The following SYNRG variants were observed in gnomAD, a reference collection of about 807,000 sequenced individuals.
SYNRG encodes the protein AP1 gamma subunit binding protein 1.
In SYNRG, 37 loss-of-function variants were observed where a neutral mutation model predicts 130.9. That is an observed-to-expected ratio of 0.28 (90% confidence interval 0.22 to 0.37). SYNRG has a LOEUF of 0.37. Among genes scored for constraint, SYNRG ranks in the 10% least tolerant of loss-of-function variants. The probability of loss-of-function intolerance (pLI) is 1.00; values close to 1 mark genes in which losing one functional copy is unlikely to be tolerated. For synonymous variants in SYNRG, 539 were observed against 568.1 expected, an observed-to-expected ratio of 0.95 and a Z score of 0.73; for missense variants, 1,338 against 1,588.9, an observed-to-expected ratio of 0.84 and a Z score of 2.68.
chr17:37,598,120 C>G (rs1356407149), intron 2 of SYNRG, among the ~76,000 whole-genome samples: 2 of 152,138 alleles, frequency 1.3e-5, no homozygotes, highest in Non-Finnish European at 2.9e-5. Context: ...AAAACCAGGT[C>G]TTCACTCTCA....
chr17:37,548,675 G>A (rs538810925), intron 14 of SYNRG, among the ~76,000 whole-genome samples: 1 of 151,930 alleles, frequency 6.6e-6, no homozygotes, highest in African/African-American at 2.4e-5. Context: ...AAAATTAGCT[G>A]GGCGTGGTGG....
chr17:37,537,870 G>C (rs572364621), intron 18 of SYNRG, among the ~76,000 whole-genome samples: 2 of 152,334 alleles, frequency 1.3e-5, no homozygotes, highest in Non-Finnish European at 2.9e-5. Flanking sequence ...CCTGAGCTTG[G>C]GGAAGGGAGG....
At chr17:37,587,806 C>T (rs1391866147) in intron 3 of SYNRG, among the ~76,000 whole-genome samples, 1 of 152,200 alleles carries the variant, frequency 6.6e-6, no homozygotes, top group Non-Finnish European at 1.5e-5. Flanking sequence ...TTCCAGCTTC[C>T]CATTCCATGG....
Position 37,553,394 on chromosome 17 carries a change from C to A in SYNRG, c.2329G>T (p.Ala777Ser). The stretch of plus-strand genomic sequence containing the variant: ...GAAAATTTACTGGAGTGGAAGTCAG[C>A]AAAATCATCATCACTTTTTCCTGAA... ...TPSGKSDDDF[A>S]DFHSSKFSSI... Residue 777 changes from alanine to serine, a missense_variant, in exon 14 of 22, where the codon GCT (alanine) becomes TCT (serine). Coordinates refer to ENST00000612223, the MANE Select transcript of SYNRG (RefSeq NM_007247.6). The A allele has an allele frequency of 6.2e-7, 1 of 1,614,184 alleles. No individual in the cohort carries two copies. The highest frequency in any genetic ancestry group is 8.5e-7 in the Non-Finnish European group (1 of 1,180,040).
Position 37,517,726 on chromosome 17 carries a change from G to A in SYNRG, c.*1214C>T, listed in dbSNP as rs892319837. ...CTAAACCACACAAAGTAAAGCACAC[G>A]AGATTGAAAAATCTCTTCATAAAGC... On this transcript the variant is annotated 3_prime_UTR_variant, in exon 22 of 22. Coordinates refer to ENST00000612223, the MANE Select transcript of SYNRG (RefSeq NM_007247.6). 1.3e-4 allele frequency: 20 copies of A among 152,136 alleles called. No individual in the cohort carries two copies. The highest frequency in any genetic ancestry group is 4.6e-4 in the African/African-American group (19 of 41,504). The allele number at this position is 152,136 out of a possible 1,614,324, so 9.4% of individuals were successfully genotyped here.
At chr17:37,577,690 A>ATAT in intron 6 of SYNRG, 77 bp from the exon 7 acceptor site, 1 of 944,910 alleles carries the variant, frequency 1.1e-6, no homozygotes, top group Non-Finnish European at 1.5e-6. Flanking sequence ...CTCCACCCCC[A>ATAT]TATTCTTTTT....
chr17:37,551,090 G>A (rs908281954), intron 14 of SYNRG, among the ~76,000 whole-genome samples: 5 of 152,180 alleles, frequency 3.3e-5, no homozygotes, highest in African/African-American at 4.8e-5. Context: ...ACAGGATTAA[G>A]GTCCGCAGAT....
intron 13 of SYNRG, among the ~76,000 whole-genome samples, chr17:37,559,266 C>A (rs770142520): frequency 7.2e-5 from 11 of 152,066 alleles, no homozygotes; most frequent in Non-Finnish European, 1.3e-4. Flanking sequence ...AGTGACTATG[C>A]CTTAATCAAG....
chr17:37,579,185 C>T (rs1466248867), intron 6 of SYNRG: 1 of 1,218,456 alleles, frequency 8.2e-7, no homozygotes, highest in South Asian at 1.5e-5. Context: ...AGGAATTTGC[C>T]CAGGGACGCC....
chr17:37,578,360 A>T (rs953125744), intron 6 of SYNRG, among the ~76,000 whole-genome samples: 1 of 152,132 alleles, frequency 6.6e-6, no homozygotes, highest in Non-Finnish European at 1.5e-5. Flanking sequence ...CGTTGAAATA[A>T]TTCAATCACT....
At chr17:37,600,798 G>A in intron 1 of SYNRG, 2 of 261,638 alleles carry the variant, frequency 7.6e-6, no homozygotes. Context: ...TATACCACAG[G>A]GTAAATGTGC....
chr17:37,529,893 G>GA, intron 19 of SYNRG: 1 of 1,538,142 alleles, frequency 6.5e-7, no homozygotes, highest in Non-Finnish European at 8.8e-7. Flanking sequence ...GGGTTGTATA[G>GA]AAATCTAGTT....
chr17:37,602,155 G>C (rs2063343122), intron 1 of SYNRG, among the ~76,000 whole-genome samples: 1 of 151,922 alleles, frequency 6.6e-6, no homozygotes, highest in Non-Finnish European at 1.5e-5. Flanking sequence ...GACCAACATG[G>C]AGAAACCCCA....
In SYNRG at chr17:37,518,542, G is replaced by GT. The variant is rs367882373; in HGVS notation, c.*397dup. On this transcript the variant is annotated 3_prime_UTR_variant, in exon 22 of 22. Coordinates refer to ENST00000612223, the MANE Select transcript of SYNRG (RefSeq NM_007247.6). Reference sequence around the variant, plus strand: ...TAAATGTATTCTACTTCACAGGACAGTAAGTGTCCTAGATAAAAACAAGCA... The same window carrying GT: ...TAAATGTATTCTACTTCACAGGACAGTTAAGTGTCCTAGATAAAAACAAGCA... The GT allele has an allele frequency of 1.4e-3, 251 of 184,452 alleles. No homozygotes were observed. The highest frequency in any genetic ancestry group is 5.6e-3 in the African/African-American group (240 of 42,742). The allele number at this position is 184,452 out of a possible 1,614,324, so 11.4% of individuals were successfully genotyped here.
intron 11 of SYNRG, among the ~76,000 whole-genome samples, chr17:37,562,770 G>A (rs2059636185): frequency 6.6e-6 from 1 of 151,864 alleles, no homozygotes; most frequent in Non-Finnish European, 1.5e-5. Flanking sequence ...CTTTTTAAAA[G>A]TTCCATAAGT....
At chr17:37,520,470 C>T (rs997910960) in intron 20 of SYNRG, 68 bp downstream of exon 20, 39 of 1,453,036 alleles carry the variant, frequency 2.7e-5, no homozygotes, top group Non-Finnish European at 3.5e-5. Flanking sequence ...TAAAGTGGGC[C>T]AGATGAGGTT....
rs2054537513 is a variant in SYNRG at position 37,517,753 on chromosome 17, C to CA, written c.*1186dup. ...GATTGAAAAATCTCTTCATAAAGCGCATAATCAACAATTCAGAGAGACGTG... is the reference window on the plus strand; with the variant it reads ...GATTGAAAAATCTCTTCATAAAGCGCAATAATCAACAATTCAGAGAGACGTG... On this transcript the variant is annotated 3_prime_UTR_variant, in exon 22 of 22. Transcript: ENST00000612223. The CA allele has an allele frequency of 6.6e-6, 1 of 152,022 alleles. No homozygotes were observed. Among genetic ancestry groups the CA allele is most frequent in the Non-Finnish European group, 1.5e-5 (1 of 68,012 alleles). 9.4% of individuals were successfully genotyped at this position (152,022 alleles called of 1,614,324 possible). A position where few individuals can be genotyped will look rare whatever the true frequency, so the allele number is the denominator to read the frequency against.
Position 37,570,674 on chromosome 17 carries a change from G to A in SYNRG, c.1310C>T (p.Ala437Val), listed in dbSNP as rs200642725. ...GTAGGTTGGTATGAAACCACTAGAAGCCTGGGCTGCAGCTCCACCCACTGG... is the reference window on the plus strand; with the variant it reads ...GTAGGTTGGTATGAAACCACTAGAAACCTGGGCTGCAGCTCCACCCACTGG... ...VGPVGGAAAQ[A>V]SSGFIPTYPA... The change falls in exon 10 of 22, where the codon GCT becomes GTT. Residue 437 changes from alanine (A) to valine (V), a missense_variant. Ala to Val is a moderately conservative substitution (Grantham distance 64). This residue lies in a region of SYNRG where 1,146 missense variants were observed against 1,342.3 expected (regional missense o/e 0.85). Transcript: ENST00000612223. The A allele has an allele frequency of 4.4e-5, 71 of 1,614,036 alleles. No homozygotes were observed. In the Admixed American group the frequency reaches 1.2e-3, roughly 26 times the overall value.
intron 19 of SYNRG, among the ~76,000 whole-genome samples, chr17:37,529,466 T>C (rs978523457): frequency 6.7e-6 from 1 of 150,296 alleles, no homozygotes; most frequent in African/African-American, 2.5e-5. Flanking sequence ...TATGAGGGTA[T>C]GCATTTTTCA....
Sources: allele counts gnomAD v4.1 joint callset (sites outside exome capture counted in the v4.1 genomes callset), GRCh38; gene constraint gnomAD v4.1.1; regional missense constraint gnomAD v4.1.1; transcripts MANE v1.5; gene names NCBI Gene and HGNC (gene_info 2026-07-23, HGNC 2026-07-21).